The following DUOX2 variants were observed in gnomAD, a reference collection of about 807,000 sequenced individuals.
The protein encoded by DUOX2 is dual oxidase 2.
In DUOX2, 185 loss-of-function variants were observed where a neutral mutation model predicts 183.3. The ratio of observed to expected loss-of-function variants is 1.01; its 90% CI spans 0.90 to 1.14. The LOEUF (loss-of-function observed/expected upper bound fraction) is 1.14, where lower values mean the gene tolerates loss of function less well. Ranked by LOEUF, DUOX2 falls within the 50% of genes most tolerant of loss-of-function variation. DUOX2 has a pLI of 0.00. For synonymous variants in DUOX2, 788 were observed against 812.4 expected (o/e 0.97, Z 0.51); for missense variants, 1,999 against 2,022.9 (o/e 0.99, Z 0.23).
rs373155740 is a variant in DUOX2 at position 45,110,638 on chromosome 15, C to T, written c.943+12G>A. On this transcript the variant is annotated intron_variant, in intron 8 of 33. Coordinates refer to ENST00000389039, the MANE Select transcript of DUOX2 (RefSeq NM_001363711.2). ...TTCTCCGCACAGGTGTCCTCCTTCC[C>T]CGCTCCCTCACCTGTATACTCCGGG... 1.2e-6 allele frequency: 2 copies of T among 1,613,348 alleles called. No individual in the cohort carries two copies. Among genetic ancestry groups the T allele is most frequent in the Non-Finnish European group, 8.5e-7 (1 of 1,180,016 alleles).
chr15:45,100,638 C>T (rs1894055043), intron 23 of DUOX2, 117 bp downstream of exon 23: 5 of 912,190 alleles, frequency 5.5e-6, no homozygotes, highest in Non-Finnish European at 9.3e-6. Flanking sequence ...AGGTCAGGAA[C>T]AAATGGAATG....
chr15:45,106,670 A>T (rs1894223073), intron 15 of DUOX2, 29 bp from the exon 16 acceptor site: 1 of 1,607,656 alleles, frequency 6.2e-7, no homozygotes, highest in Non-Finnish European at 8.5e-7. Context: ...AACAGTGAGG[A>T]GGGAGCCCCT....
chr15:45,096,879 T>C (rs570055346), intron 29 of DUOX2, among the ~76,000 whole-genome samples: 9 of 152,294 alleles, frequency 5.9e-5, no homozygotes, highest in African/African-American at 2.2e-4. Flanking sequence ...CATTTGCCTG[T>C]CTCTGAGAGA....
intron 28 of DUOX2, 42 bp downstream of exon 28, chr15:45,097,572 T>C: frequency 6.2e-7 from 1 of 1,614,148 alleles, no homozygotes; most frequent in South Asian, 1.1e-5. Context: ...TGTCCCATCC[T>C]GAGCTCCCTG....
At chr15:45,108,322 C>T in intron 12 of DUOX2, 100 bp from the exon 13 acceptor site, 1 of 1,409,750 alleles carries the variant, frequency 7.1e-7, no homozygotes, top group Non-Finnish European at 9.8e-7. Context: ...CGCTGCCTGG[C>T]TGCTGCTCAG....
In DUOX2 at chr15:45,103,974, G is replaced by T. The variant is rs1160134983; in HGVS notation, c.2640C>A (p.Phe880Leu). The change falls in exon 20 of 34, where the codon TTC becomes TTA. Residue 880 changes from phenylalanine (F) to leucine (L), a missense_variant. By Grantham distance (22) the Phe-to-Leu change is conservative. Around this residue, in one of 3 missense-constraint regions of DUOX2, gnomAD observed 1,628 missense variants for 1,608.6 expected, o/e 1.01. Coordinates refer to ENST00000389039, the MANE Select transcript of DUOX2 (RefSeq NM_001363711.2). ...ACACCCCATACCGCATCATGGTGAA[G>T]AATTCGTCCTTGGAGAGGAAGCCAT... is the stretch of plus-strand genomic sequence containing the variant. ...DENGFLSKDE[F>L]FTMMRSFIEI... 2 of 1,614,066 alleles carry T rather than the reference G, an allele frequency of 1.2e-6. No individual in the cohort carries two copies. Among genetic ancestry groups the T allele is most frequent in the Admixed American group, 1.7e-5 (1 of 60,012 alleles).
intron 31 of DUOX2, 145 bp downstream of exon 31, chr15:45,095,292 G>T: frequency 7.0e-7 from 1 of 1,434,940 alleles, no homozygotes. Context: ...CTCCCTCCAA[G>T]TTTGGCATCT....
intron 21 of DUOX2, chr15:45,101,509 A>G: frequency 1.6e-6 from 1 of 628,232 alleles, no homozygotes; most frequent in Non-Finnish European, 2.8e-6. Flanking sequence ...CCTTTGTGTA[A>G]AAGAAACAAT....
chr15:45,109,263 T>C (rs1295214066), intron 11 of DUOX2: 1 of 599,880 alleles, frequency 1.7e-6, no homozygotes, highest in Non-Finnish European at 2.9e-6. Flanking sequence ...AGAGACCTAA[T>C]TAAGCACCAA....
At chr15:45,108,275 C>T in intron 12 of DUOX2, 53 bp from the exon 13 acceptor site, 1 of 1,600,904 alleles carries the variant, frequency 6.2e-7, no homozygotes. Flanking sequence ...CGGAGGGCAG[C>T]CACTGTTGCC....
At chr15:45,096,592 T>G (rs1431806042) in intron 29 of DUOX2, among the ~76,000 whole-genome samples, 1 of 152,224 alleles carries the variant, frequency 6.6e-6, no homozygotes, top group Non-Finnish European at 1.5e-5. Context: ...GGATACTGTT[T>G]GTACCATAGC....
chr15:45,113,119 C>G (rs780444081), intron 2 of DUOX2, 43 bp from the exon 3 acceptor site: 3 of 1,590,376 alleles, frequency 1.9e-6, no homozygotes, highest in Non-Finnish European at 2.6e-6. Context: ...ACGCTCCCAG[C>G]TACCCCTCCC....
At chr15:45,096,930 C>A (rs1419640377) in intron 29 of DUOX2, among the ~76,000 whole-genome samples, 1 of 152,188 alleles carries the variant, frequency 6.6e-6, no homozygotes, top group Admixed American at 6.5e-5. Context: ...CCCTGCACTT[C>A]CCCTGCACCC....
intron 20 of DUOX2, 31 bp from the exon 21 acceptor site, chr15:45,102,020 T>C: frequency 6.2e-7 from 1 of 1,612,648 alleles, no homozygotes. Flanking sequence ...CAGCAGCCTG[T>C]CACCCAGCAA....
Position 45,108,790 on chromosome 15 carries a change from TGG to T in DUOX2, c.1395_1396del (p.Gln466GlyfsTer49). On this transcript the variant is annotated frameshift_variant and splice_region_variant, in exon 12 of 34. Coordinates refer to ENST00000389039, the MANE Select transcript of DUOX2 (RefSeq NM_001363711.2). LOFTEE classifies it high-confidence loss of function. ...ATTATTATCATTACTATTCCTGACCTGGGGGTCCACATTAGGGTTGAGATCAC... is the reference window on the plus strand; with the variant it reads ...ATTATTATCATTACTATTCCTGACCTGGGTCCACATTAGGGTTGAGATCAC... 6.2e-7 allele frequency: 1 copy of T among 1,614,238 alleles called. No individual in the cohort carries two copies. Among genetic ancestry groups the T allele is most frequent in the African/African-American group, 1.3e-5 (1 of 75,076 alleles).
intron 32 of DUOX2, 61 bp from the exon 33 acceptor site, chr15:45,094,752 G>T: frequency 6.2e-7 from 1 of 1,606,392 alleles, no homozygotes; most frequent in Non-Finnish European, 8.5e-7. Flanking sequence ...GCCCGAGCCA[G>T]CCCACATAGC....
intron 2 of DUOX2, 91 bp from the exon 3 acceptor site, chr15:45,113,167 C>T (rs919233162): frequency 6.7e-7 from 1 of 1,488,770 alleles, no homozygotes; most frequent in Non-Finnish European, 9.2e-7. Flanking sequence ...CCCCAGCTCG[C>T]GGAGCGCCCC....
At chr15:45,094,435 G>T in intron 33 of DUOX2, 128 bp downstream of exon 33, 1 of 1,520,130 alleles carries the variant, frequency 6.6e-7, no homozygotes, top group Non-Finnish European at 8.9e-7. Context: ...TTTAACAGCT[G>T]ACCTCATCCT....
At chr15:45,112,959 C>T in intron 3 of DUOX2, 28 bp downstream of exon 3, 8 of 1,611,676 alleles carry the variant, frequency 5.0e-6, no homozygotes, top group Non-Finnish European at 6.8e-6. Context: ...AGCCACGGCC[C>T]CAGCACGCCC....
Sources: gnomAD v4.1 joint callset for allele counts (sites outside exome capture counted in the v4.1 genomes callset) on GRCh38, gnomAD v4.1.1 for gene constraint, gnomAD v4.1.1 regional missense constraint, MANE v1.5 for transcripts, NCBI Gene and HGNC (gene_info 2026-07-23, HGNC 2026-07-21) for gene names.